CD163L1: variants seen among roughly 807,000 people sequenced by gnomAD.
The protein encoded by CD163L1 is scavenger receptor cysteine-rich type 1 protein M160.
Under a neutral mutation model 165.4 loss-of-function variants are expected in CD163L1, and 124 were observed. The ratio of observed to expected loss-of-function variants is 0.75; its 90% CI spans 0.65 to 0.87. The LOEUF (loss-of-function observed/expected upper bound fraction) is 0.87. Among genes scored for constraint, CD163L1 ranks in the 40% least tolerant of loss-of-function variants. The probability of loss-of-function intolerance (pLI) is 0.00; values close to 1 mark genes in which losing one functional copy is unlikely to be tolerated. For synonymous variants in CD163L1, 585 were observed against 662.2 expected, an observed-to-expected ratio of 0.88 and a Z score of 1.79; for missense variants, 1,525 against 1,799.9, an observed-to-expected ratio of 0.85 and a Z score of 2.76.
chr12:7,407,786 CACACACACACACACACACACAG>C (rs994652739), intron 4 of CD163L1, among the ~76,000 whole-genome samples: 7 of 147,948 alleles, frequency 4.7e-5, no homozygotes, highest in African/African-American at 1.0e-4. Flanking sequence ...CATCCATACA[CACACACACACACACACACACAG>C]ACACACACAC....
rs187488211 is a variant in CD163L1, at chr12:7,434,374, T to C, written c.125-680A>G. Among the ~76,000 whole-genome samples, 303 of 152,216 alleles carry C rather than the reference T, an allele frequency of 2.0e-3. 3 individuals are homozygous for C. Among genetic ancestry groups the C allele is most frequent in the African/African-American group, 6.7e-3 (277 of 41,516 alleles). Reference sequence around the variant, plus strand: ...CTACTCATATTCCCATCTTAAAAATTTGAAATAAGTAAAATGGATTTTAAA... The same window carrying C: ...CTACTCATATTCCCATCTTAAAAATCTGAAATAAGTAAAATGGATTTTAAA... On this transcript the variant is annotated intron_variant, in intron 2 of 19. Transcript: ENST00000313599.
chr12:7,439,737 T>C (rs962031303), intron 2 of CD163L1: 1 of 1,611,440 alleles, frequency 6.2e-7, no homozygotes, highest in Non-Finnish European at 8.5e-7. Flanking sequence ...CGTCATCCGA[T>C]GTATAGCCTT....
intron 8 of CD163L1, among the ~76,000 whole-genome samples, chr12:7,381,635 A>T (rs1334275319): frequency 6.6e-6 from 1 of 152,082 alleles, no homozygotes; most frequent in Non-Finnish European, 1.5e-5. Context: ...GTAAAAAGAA[A>T]TTTTTTTAAA....
intron 2 of CD163L1, chr12:7,439,860 T>C: frequency 6.2e-7 from 1 of 1,611,970 alleles, no homozygotes; most frequent in African/African-American, 1.3e-5. Context: ...CCTCCGCTCC[T>C]CTCGCGGCTG....
chr12:7,409,504 A>AAATGC (rs1291968532), intron 4 of CD163L1, among the ~76,000 whole-genome samples: 3 of 152,180 alleles, frequency 2.0e-5, no homozygotes, highest in Non-Finnish European at 4.4e-5. Flanking sequence ...TAGATCCCCC[A>AAATGC]AATGCACAGT....
At chr12:7,402,600 C>G (rs369519594) in intron 6 of CD163L1, among the ~76,000 whole-genome samples, 1 of 151,790 alleles carries the variant, frequency 6.6e-6, no homozygotes, top group East Asian at 1.9e-4. Flanking sequence ...TAAAGTGCCA[C>G]AGAGAATAAT....
intron 6 of CD163L1, among the ~76,000 whole-genome samples, chr12:7,399,729 C>T (rs368681014): frequency 2.0e-5 from 3 of 152,002 alleles, no homozygotes; most frequent in South Asian, 2.1e-4. Context: ...CTCAGCCTCC[C>T]GAGTAGCTGG....
chr12:7,421,521 G>A (rs1202071101), intron 4 of CD163L1, among the ~76,000 whole-genome samples: 3 of 114,318 alleles, frequency 2.6e-5, no homozygotes, highest in African/African-American at 7.9e-5. Flanking sequence ...ATACATATAT[G>A]TACATATATA....
chr12:7,360,845 T>C (rs757210895), intron 18 of CD163L1, among the ~76,000 whole-genome samples: 1 of 152,318 alleles, frequency 6.6e-6, no homozygotes, highest in African/African-American at 2.4e-5. Context: ...GTTGTTTGTA[T>C]GTTGGATAAT....
At chr12:7,395,400 C>T (rs929166132) in intron 8 of CD163L1, among the ~76,000 whole-genome samples, 1 of 152,088 alleles carries the variant, frequency 6.6e-6, no homozygotes, top group African/African-American at 2.4e-5. Flanking sequence ...ACAATGAGAA[C>T]ACTTGGACAC....
At position 7,433,431 on chromosome 12, in the gene CD163L1, G is replaced by T; in HGVS notation, c.388C>A (p.Arg130=). 6.2e-7 allele frequency: 1 copy of T among 1,612,496 alleles called. No individual in the cohort carries two copies. Among genetic ancestry groups the T allele is most frequent in the Non-Finnish European group, 8.5e-7 (1 of 1,179,142 alleles). ...TAACAGTTATGGCTTCCCCATTCCC[G>T]GTGTTGACATTCCCAGAGAGCTGAC... The part of the protein sequence containing the change: ...NESALWECQH[R]EWGSHNCYHG... Residue 130 remains arginine (R), a synonymous_variant, in exon 3 of 20, where the codon CGG becomes AGG. Coordinates refer to ENST00000313599, the MANE Select transcript of CD163L1 (RefSeq NM_174941.6).
At chr12:7,419,570 T>C (rs1948308673) in intron 4 of CD163L1, among the ~76,000 whole-genome samples, 1 of 151,940 alleles carries the variant, frequency 6.6e-6, no homozygotes, top group Non-Finnish European at 1.5e-5. Flanking sequence ...GTCAAGCTGT[T>C]GTTGCTTGCT....
chr12:7,434,096 T>C (rs1948680510), intron 2 of CD163L1, among the ~76,000 whole-genome samples: 1 of 152,198 alleles, frequency 6.6e-6, no homozygotes, highest in African/African-American at 2.4e-5. Flanking sequence ...AGATGTTTTA[T>C]ATACTTAATA....
In CD163L1 at chr12:7,422,751, A is replaced by ATG. The variant is rs72061380; in HGVS notation, c.766+9663_766+9664dup. 1.7e-3 allele frequency among the ~76,000 whole-genome samples: 239 copies of ATG among 143,894 alleles called. 1 individual carries two copies. The East Asian group carries it at 0.017, about 10-fold the overall frequency. 94.4% of individuals were successfully genotyped at this position (143,894 alleles called of 152,430 possible). ...TGAATATATATAAATATATATACAT[A>ATG]TGTGTGTGTGTGTGTGTGTGTGTAT... On this transcript the variant is annotated intron_variant, in intron 4 of 19. Coordinates refer to ENST00000313599, the MANE Select transcript of CD163L1 (RefSeq NM_174941.6).
chr12:7,384,033 A>C (rs1461560700), intron 8 of CD163L1, among the ~76,000 whole-genome samples: 2 of 152,196 alleles, frequency 1.3e-5, no homozygotes, highest in African/African-American at 2.4e-5. Context: ...ATTTCAGTGA[A>C]ACACACAAAA....
chr12:7,422,395 T>C (rs929403997), intron 4 of CD163L1, among the ~76,000 whole-genome samples: 8 of 152,038 alleles, frequency 5.3e-5, no homozygotes, highest in African/African-American at 1.4e-4. Context: ...TTCCAAATGA[T>C]TGCAACTCCT....
Position 7,374,444 on chromosome 12 carries a change from G to T in CD163L1, c.3407C>A (p.Ser1136Ter). ...RHKEDAGVIC[S>*]EFTALRLYSE... ...GGTGAAAAGGTAGCAGCACAGACCT[G>T]AGCAGATGACCCCTGCGTCCTCCTT... Residue 1136 changes from serine to a stop codon, truncating the protein, a stop_gained and splice_region_variant, in exon 13 of 20, where the codon TCA becomes TAA. Transcript: ENST00000313599. LOFTEE classifies it high-confidence loss of function. This position sits in a 1 kb window ranked among gnomAD's most constrained non-coding sequence, Gnocchi z 5.4. The T allele has an allele frequency of 6.2e-7, 1 of 1,609,866 alleles. No homozygotes were observed.
At chr12:7,439,055 A>G (rs751534132) in intron 2 of CD163L1, 1 of 1,589,240 alleles carries the variant, frequency 6.3e-7, no homozygotes, top group Admixed American at 1.9e-5. Flanking sequence ...GGCACTGTCT[A>G]GGGGCTTCTC....
chr12:7,428,983 T>C (rs556445494), intron 4 of CD163L1, among the ~76,000 whole-genome samples: 193 of 152,170 alleles, frequency 1.3e-3, no homozygotes, highest in Admixed American at 2.4e-3. Context: ...CTACAAAAAC[T>C]GACTTTTAAA....
Sources: allele counts gnomAD v4.1 joint callset (sites outside exome capture counted in the v4.1 genomes callset), GRCh38; gene constraint gnomAD v4.1.1; non-coding constraint Gnocchi (gnomAD v3.1); transcripts MANE v1.5; gene names NCBI Gene and HGNC (gene_info 2026-07-23, HGNC 2026-07-21).